Variants in KIAA1217 observed in about 807,000 individuals in gnomAD.
KIAA1217 encodes sickle tail protein homolog.
In KIAA1217, 88 loss-of-function variants were observed where a neutral mutation model predicts 163.9. The observed-to-expected ratio is 0.54, with a 90% CI of 0.45 to 0.64. The LOEUF (loss-of-function observed/expected upper bound fraction) is 0.64. Among genes scored for constraint, KIAA1217 ranks in the 30% least tolerant of loss-of-function variants. KIAA1217 has a pLI of 0.00. For missense variants in KIAA1217, 2,372 were observed against 2,475.0 expected (o/e 0.96, Z 0.88); for synonymous variants, 903 against 923.1 (o/e 0.98, Z 0.39).
intron 1 of KIAA1217, among the ~76,000 whole-genome samples, chr10:23,728,464 T>C (rs545608828): frequency 9.8e-5 from 15 of 152,302 alleles, no homozygotes; most frequent in African/African-American, 3.6e-4. Flanking sequence ...AAATGTCTTT[T>C]TTTGAGAAAT....
intron 2 of KIAA1217, among the ~76,000 whole-genome samples, chr10:24,250,419 T>C (rs186885692): frequency 1.4e-5 from 2 of 139,578 alleles, no homozygotes; most frequent in African/African-American, 2.7e-5. Context: ...CTGACTGGAA[T>C]TGAAGGGACA....
chr10:23,838,955 A>G (rs1838630218), intron 1 of KIAA1217, among the ~76,000 whole-genome samples: 1 of 151,924 alleles, frequency 6.6e-6, no homozygotes, highest in Non-Finnish European at 1.5e-5. Context: ...TAAATACAGG[A>G]TTTTTTCCCT....
chr10:23,827,431 A>G (rs1478413374), intron 1 of KIAA1217, among the ~76,000 whole-genome samples: 1 of 152,130 alleles, frequency 6.6e-6, no homozygotes, highest in South Asian at 2.1e-4. Context: ...TTTCGTGTTG[A>G]TAGGGAACAT....
chr10:23,911,048 T>A (rs997412253), intron 1 of KIAA1217, among the ~76,000 whole-genome samples: 2 of 152,214 alleles, frequency 1.3e-5, no homozygotes, highest in African/African-American at 4.8e-5. Flanking sequence ...ATGTGCCAGA[T>A]GGCGAGTCAA....
intron 9 of KIAA1217, among the ~76,000 whole-genome samples, chr10:24,511,152 C>CAAAAAAAAAAAAAAAAAAAAAAAAAA (rs58529942): frequency 2.9e-5 from 1 of 34,512 alleles, no homozygotes; most frequent in Non-Finnish European, 4.3e-5. Flanking sequence ...GACTCTGTCT[C>CAAAAAAAAAAAAAAAAAAAAAAAAAA]AAAAAAAAAA....
intron 1 of KIAA1217, among the ~76,000 whole-genome samples, chr10:23,789,715 C>CT (rs1174946107): frequency 2.0e-5 from 3 of 151,960 alleles, no homozygotes; most frequent in African/African-American, 7.3e-5. Context: ...TGCGCTGACT[C>CT]TGAGTTCATC....
At chr10:24,404,566 CAAAAAAAAAAAA>C (rs57209065) in intron 3 of KIAA1217, among the ~76,000 whole-genome samples, 1 of 51,182 alleles carries the variant, frequency 2.0e-5, no homozygotes, top group African/African-American at 6.8e-5. Flanking sequence ...GACTCTGTCT[CAAAAAAAAAAAA>C]AAAAAAAAAA....
chr10:24,473,507 G>T lies in KIAA1217; in HGVS notation c.1126G>T (p.Asp376Tyr), dbSNP rs2063733094. The T allele has an allele frequency of 1.9e-6, 3 of 1,614,052 alleles. No individual in the cohort carries two copies. In the South Asian group the frequency reaches 3.3e-5, roughly 18 times the overall value. The change falls in exon 6 of 21, where the codon GAT (aspartate) becomes TAT (tyrosine). Residue 376 changes from aspartate to tyrosine, a missense_variant. This residue lies in a region of KIAA1217 where 1,431 missense variants were observed against 1,470.3 expected (regional missense o/e 0.97). Transcript: ENST00000376454. ...AILERRDVKP[D>Y]EDMSGKNIAM... ...TTTAGAAAGAAGAGATGTCAAGCCT[G>T]ATGAAGACATGAGTGGCAAAAACAT...
At position 23,960,485 on chromosome 10, in the gene KIAA1217, A is replaced by G. The variant is rs191886440; in HGVS notation, c.-320-46740A>G. On this transcript the variant is annotated intron_variant, in intron 1 of 18. Coordinates refer to the KIAA1217 transcript ENST00000376462. The stretch of plus-strand genomic sequence containing the variant: ...TTGGTCAGGCTGGTCTCCAACTCCC[A>G]ATTTCAGGTGATCCGCCTGCCTTGG... Among the ~76,000 whole-genome samples the G allele has an allele frequency of 1.2e-3, 181 of 149,132 alleles. 1 individual carries two copies. Among genetic ancestry groups the G allele is most frequent in the African/African-American group, 4.2e-3 (169 of 40,404 alleles).
intron 2 of KIAA1217, among the ~76,000 whole-genome samples, chr10:24,249,640 C>T (rs2074250233): frequency 6.6e-6 from 1 of 152,214 alleles, no homozygotes; most frequent in Non-Finnish European, 1.5e-5. Flanking sequence ...TCCCCATATA[C>T]ACTTAAATCA....
At chr10:23,701,603 T>C (rs1392915089) in intron 1 of KIAA1217, among the ~76,000 whole-genome samples, 1 of 152,128 alleles carries the variant, frequency 6.6e-6, no homozygotes, top group East Asian at 1.9e-4. Context: ...CAATGAAGCA[T>C]TACATGAACA....
At chr10:23,908,473 G>A (rs551991473) in intron 1 of KIAA1217, among the ~76,000 whole-genome samples, 33 of 151,838 alleles carry the variant, frequency 2.2e-4, no homozygotes, top group African/African-American at 7.2e-4. Context: ...CTTGTTCCTC[G>A]GCTCACCCCT....
intron 16 of KIAA1217, 97 bp from the exon 17 acceptor site, chr10:24,536,677 G>T: frequency 6.1e-6 from 8 of 1,310,584 alleles, no homozygotes; most frequent in Non-Finnish European, 8.6e-6. Context: ...CAGGACCCGG[G>T]TTGGGGTCCA....
At chr10:24,063,242 A>C (rs1282136384) in intron 2 of KIAA1217, among the ~76,000 whole-genome samples, 1 of 152,102 alleles carries the variant, frequency 6.6e-6, no homozygotes, top group East Asian at 1.9e-4. Context: ...GGTATTGCCT[A>C]GGTTTTCTTC....
At chr10:23,762,078 C>G (rs1195966100) in intron 1 of KIAA1217, among the ~76,000 whole-genome samples, 1 of 152,018 alleles carries the variant, frequency 6.6e-6, no homozygotes. Flanking sequence ...CCTGAGTAGA[C>G]CAATAACAAG....
rs187966090 is a variant in KIAA1217 at position 24,466,857 on chromosome 10, A to T, written c.847-6371A>T. On this transcript the variant is annotated intron_variant, in intron 5 of 20. Coordinates refer to ENST00000376454, the MANE Select transcript of KIAA1217 (RefSeq NM_019590.5). The stretch of plus-strand genomic sequence containing the variant: ...GATTCCATTTCAGTTTTCTCTGCTT[A>T]CTTCATTGTGTGGTCTGATTGAGTG... 4.1e-5 allele frequency: 37 copies of T among 907,846 alleles called. No individual in the cohort carries two copies. In the African/African-American group the frequency reaches 6.6e-4, roughly 16 times the overall value. 56.2% of individuals were successfully genotyped at this position (907,846 alleles called of 1,614,324 possible).
chr10:23,766,587 C>CTTTTTTTTTT (rs766892555), intron 1 of KIAA1217, among the ~76,000 whole-genome samples: 6 of 133,758 alleles, frequency 4.5e-5, no homozygotes, highest in African/African-American at 1.2e-4. Context: ...TTCTTTCTTT[C>CTTTTTTTTTT]TTTTTTCTTT....
chr10:23,874,930 C>T (rs1840613203), intron 1 of KIAA1217, among the ~76,000 whole-genome samples: 1 of 151,992 alleles, frequency 6.6e-6, no homozygotes, highest in South Asian at 2.1e-4. Flanking sequence ...AGTATCAGCT[C>T]AGCTTCTGGT....
intron 1 of KIAA1217, among the ~76,000 whole-genome samples, chr10:23,975,903 C>G (rs1042174961): frequency 6.6e-6 from 1 of 152,104 alleles, no homozygotes; most frequent in Admixed American, 6.6e-5. Context: ...TCTTTTTGAT[C>G]CATTGCACCC....
Sources: gnomAD v4.1 joint callset for allele counts (sites outside exome capture counted in the v4.1 genomes callset) on GRCh38, gnomAD v4.1.1 for gene constraint, gnomAD v4.1.1 regional missense constraint, MANE v1.5 for transcripts, NCBI Gene and HGNC (gene_info 2026-07-23, HGNC 2026-07-21) for gene names.